Variants in MAGI2 observed in about 807,000 individuals in gnomAD.
The protein encoded by MAGI2 is membrane-associated guanylate kinase, WW and PDZ domain-containing protein 2.
In MAGI2, 35 loss-of-function variants were observed where a neutral mutation model predicts 133.3. That is an observed-to-expected ratio of 0.26 (90% CI 0.20 to 0.35). The LOEUF (loss-of-function observed/expected upper bound fraction) is 0.35, where lower values mean the gene tolerates loss of function less well. Among genes scored for constraint, MAGI2 ranks in the 10% least tolerant of loss-of-function variants. The probability of loss-of-function intolerance (pLI) is 1.00; values close to 1 mark genes in which losing one functional copy is unlikely to be tolerated. For synonymous variants in MAGI2, 729 were observed against 710.6 expected (o/e 1.03, Z -0.41); for missense variants, 1,636 against 1,863.4 (o/e 0.88, Z 2.25).
chr7:79,353,713 G>C (rs2129112619), intron 1 of MAGI2: 1 of 291,998 alleles, frequency 3.4e-6, no homozygotes, highest in East Asian at 8.8e-5. Context: ...GATTTGCAGT[G>C]TTGGGCTCTT....
chr7:78,888,475 C>T (rs532819085), intron 2 of MAGI2, among the ~76,000 whole-genome samples: 1 of 152,266 alleles, frequency 6.6e-6, no homozygotes, highest in South Asian at 2.1e-4. Flanking sequence ...TGGGAGGCAT[C>T]CCCCAGTAGG....
chr7:78,477,788 A>G (rs1310456493), intron 6 of MAGI2, among the ~76,000 whole-genome samples: 1 of 152,018 alleles, frequency 6.6e-6, no homozygotes, highest in African/African-American at 2.4e-5. Flanking sequence ...TGTAAATTAT[A>G]TGACAATTAA....
At chr7:78,974,939 G>A (rs570601140) in intron 2 of MAGI2, among the ~76,000 whole-genome samples, 73 of 151,738 alleles carry the variant, frequency 4.8e-4, no homozygotes, top group African/African-American at 1.7e-3. Flanking sequence ...CACAAATATA[G>A]CATTAGATAA....
chr7:78,471,817 C>T (rs1040085483), intron 6 of MAGI2, among the ~76,000 whole-genome samples: 1 of 151,754 alleles, frequency 6.6e-6, no homozygotes, highest in Non-Finnish European at 1.5e-5. Context: ...CCCAGCTACT[C>T]AGGAGGCTGA....
intron 7 of MAGI2, among the ~76,000 whole-genome samples, chr7:78,349,640 C>A (rs980372772): frequency 7.2e-5 from 11 of 152,120 alleles, no homozygotes; most frequent in African/African-American, 2.7e-4. Flanking sequence ...GTTTGGCATG[C>A]CTTGGACCCC....
At chr7:79,386,373 T>C (rs906013921) in intron 1 of MAGI2, among the ~76,000 whole-genome samples, 8 of 152,110 alleles carry the variant, frequency 5.3e-5, no homozygotes, top group African/African-American at 1.9e-4. Context: ...ATATCTGTTT[T>C]AACAGTTATA....
At chr7:79,073,106 C>T (rs1219364438) in intron 1 of MAGI2, among the ~76,000 whole-genome samples, 1 of 152,132 alleles carries the variant, frequency 6.6e-6, no homozygotes, top group East Asian at 1.9e-4. Flanking sequence ...TTGCTTATGT[C>T]ATCTAAAATC....
At position 78,132,987 on chromosome 7, in the gene MAGI2, C is replaced by A. The variant is rs1366989008; in HGVS notation, c.3105G>T (p.Gln1035His). 6.2e-7 allele frequency: 1 copy of A among 1,611,776 alleles called. No individual in the cohort carries two copies. The highest frequency in any genetic ancestry group is 1.7e-5 in the Admixed American group (1 of 59,748). The change falls in exon 18 of 22, where the codon CAG (glutamine) becomes CAT (histidine). Residue 1035 changes from glutamine (Q) to histidine (H), a missense_variant. By Grantham distance (24) the Gln-to-His change is conservative (BLOSUM62 0). Transcript: ENST00000354212. ...GGCTTGGCTGGGCCAGGGGACTCTGCTGTGCCAGGGGACTCTGCTGCGCCA... is the reference window on the plus strand; with the variant it reads ...GGCTTGGCTGGGCCAGGGGACTCTGATGTGCCAGGGGACTCTGCTGCGCCA... ...SPMAQQSPLA[Q>H]QSPLAQPSPA...
intron 21 of MAGI2, chr7:78,072,886 A>G: frequency 2.5e-6 from 1 of 398,554 alleles, no homozygotes; most frequent in East Asian, 3.6e-5. Context: ...TTGAACTCCT[A>G]GGCTCAAGCA....
intron 9 of MAGI2, among the ~76,000 whole-genome samples, chr7:78,281,027 CAAAG>C (rs916476980): frequency 6.6e-6 from 1 of 152,008 alleles, no homozygotes. Context: ...TGCTATCCTT[CAAAG>C]AGTCATCAGA....
In MAGI2 at chr7:78,185,393, A is replaced by G. The variant is rs1337402081; in HGVS notation, c.2311+236T>C. ...GCTGTTTTTAATCCAGCCTTTTACT[A>G]GAGTATTTTATGAAAGAAATTCATG... On this transcript the variant is annotated intron_variant, in intron 13 of 21. Transcript: ENST00000354212. 3 of 363,890 alleles carry G rather than the reference A, an allele frequency of 8.2e-6. No individual in the cohort carries two copies. The Admixed American group carries it at 1.3e-4, about 16-fold the overall frequency. The allele number at this position is 363,890 out of a possible 1,614,324, so 22.5% of individuals were successfully genotyped here. A position where few individuals can be genotyped will look rare whatever the true frequency, so the allele number is the denominator to read the frequency against.
intron 2 of MAGI2, among the ~76,000 whole-genome samples, chr7:78,862,193 G>A (rs1360176880): frequency 6.6e-6 from 1 of 152,094 alleles, no homozygotes; most frequent in Non-Finnish European, 1.5e-5. Flanking sequence ...TCTTTAATAT[G>A]TCCTTGCTTC....
chr7:78,319,335 C>T (rs1312172908), intron 9 of MAGI2, among the ~76,000 whole-genome samples: 1 of 151,568 alleles, frequency 6.6e-6, no homozygotes, highest in Non-Finnish European at 1.5e-5. Context: ...ACAGGGGTTG[C>T]AATCCCCTCA....
chr7:78,682,019 A>ATT (rs35450449), intron 2 of MAGI2, among the ~76,000 whole-genome samples: 4 of 151,794 alleles, frequency 2.6e-5, no homozygotes, highest in South Asian at 2.1e-4. Context: ...TAATCCTACA[A>ATT]TTTTTTTTAT....
At chr7:78,870,355 GA>G (rs34158706) in intron 2 of MAGI2, among the ~76,000 whole-genome samples, 65,832 of 109,878 alleles carry the variant, frequency 0.6, 17,348 homozygotes, top group Middle Eastern at 0.69. Flanking sequence ...CCCTGTCTCA[GA>G]AAAAAAAAAA....
At chr7:78,609,807 T>G (rs1806244997) in intron 3 of MAGI2, among the ~76,000 whole-genome samples, 1 of 152,210 alleles carries the variant, frequency 6.6e-6, no homozygotes, top group Non-Finnish European at 1.5e-5. Flanking sequence ...ACCTCTGTTA[T>G]GTAGTAGGCT....
chr7:78,814,857 T>C (rs1421717814), intron 2 of MAGI2, among the ~76,000 whole-genome samples: 1 of 152,124 alleles, frequency 6.6e-6, no homozygotes, highest in East Asian at 1.9e-4. Context: ...TGATTAGCTG[T>C]GATAACAGGT....
At chr7:78,112,557 C>T (rs2150471211) in intron 20 of MAGI2, among the ~76,000 whole-genome samples, 1 of 152,376 alleles carries the variant, frequency 6.6e-6, no homozygotes, top group Middle Eastern at 3.4e-3. Context: ...GTTACCTGCG[C>T]AATCCCATGT....
intron 2 of MAGI2, among the ~76,000 whole-genome samples, chr7:78,974,037 A>C (rs1584546065): frequency 6.6e-6 from 1 of 151,950 alleles, no homozygotes; most frequent in Non-Finnish European, 1.5e-5. Context: ...CTTTTCTCAA[A>C]AAATAAAACT....
Sources: allele counts gnomAD v4.1 joint callset (sites outside exome capture counted in the v4.1 genomes callset), GRCh38; gene constraint gnomAD v4.1.1; transcripts MANE v1.5; gene names NCBI Gene and HGNC (gene_info 2026-07-23, HGNC 2026-07-21).